SLAIN2: variants seen among roughly 807,000 people sequenced by gnomAD.
The protein encoded by SLAIN2 is SLAIN family member 2.
SLAIN2 carries 31 observed loss-of-function variants against 56.6 expected under a neutral mutation model. The observed-to-expected ratio is 0.55, with a 90% confidence interval of 0.41 to 0.74. The LOEUF (loss-of-function observed/expected upper bound fraction) is 0.74, where lower values mean the gene tolerates loss of function less well. Ranked by LOEUF, SLAIN2 falls within the 30% of genes least tolerant of loss-of-function variation. SLAIN2 has a pLI of 0.00. For synonymous variants in SLAIN2, 317 were observed against 284.9 expected (o/e 1.11, Z -1.13); for missense variants, 777 against 754.2 (o/e 1.03, Z -0.35).
intron 6 of SLAIN2, among the ~76,000 whole-genome samples, chr4:48,407,989 G>A (rs1000819095): frequency 2.0e-5 from 3 of 152,118 alleles, no homozygotes; most frequent in African/African-American, 7.2e-5. Flanking sequence ...TTAGCATAAT[G>A]TTTTCTAAGT....
rs1201662167 is a variant in SLAIN2 at position 48,422,922 on chromosome 4, A to G, written c.*845A>G. ...CTTCTTCACATGCTGTTATCTTTAC[A>G]GAACTAAGAGATCTTGTTTCTATTA... On this transcript the variant is annotated 3_prime_UTR_variant, in exon 8 of 8. Transcript: ENST00000264313. 6.6e-6 allele frequency: 1 copy of G among 152,232 alleles called. No individual in the cohort carries two copies. Among genetic ancestry groups the G allele is most frequent in the Admixed American group, 6.5e-5 (1 of 15,274 alleles). The allele number at this position is 152,232 out of a possible 1,614,324, so 9.4% of individuals were successfully genotyped here.
At position 48,408,674 on chromosome 4, in the gene SLAIN2, A is replaced by C. The variant is rs548186473; in HGVS notation, c.1361-11451A>C. Among the ~76,000 whole-genome samples the C allele has an allele frequency of 9.2e-5, 14 of 152,320 alleles. No homozygotes were observed. The South Asian group carries it at 1.2e-3, about 14-fold the overall frequency. On this transcript the variant is annotated intron_variant, in intron 6 of 7. Transcript: ENST00000264313. ...GTTACAAGCTATGTGTTATTACAAA[A>C]GAGTCACGTTTTTAAGTTAAAGCTT...
chr4:48,367,563 A>G (rs1304948051), intron 1 of SLAIN2, among the ~76,000 whole-genome samples: 1 of 152,190 alleles, frequency 6.6e-6, no homozygotes, highest in Non-Finnish European at 1.5e-5. Flanking sequence ...CCTAAATTAC[A>G]AATTTTTAGT....
At chr4:48,363,651 G>T (rs1715403585) in intron 1 of SLAIN2, among the ~76,000 whole-genome samples, 1 of 106,842 alleles carries the variant, frequency 9.4e-6, no homozygotes, top group Non-Finnish European at 2.0e-5. Context: ...GGACGGGGCG[G>T]CTGGCCGGGC....
chr4:48,394,691 A>G lies in SLAIN2; in HGVS notation c.1360+10907A>G, dbSNP rs1022598276. 4.0e-6 allele frequency: 6 copies of G among 1,505,438 alleles called. No homozygotes were observed. In the African/African-American group the frequency reaches 5.5e-5, roughly 14 times the overall value. 93.3% of individuals were successfully genotyped at this position (1,505,438 alleles called of 1,614,324 possible). A position where few individuals can be genotyped will look rare whatever the true frequency, so the allele number is the denominator to read the frequency against. On this transcript the variant is annotated intron_variant, in intron 6 of 7. Transcript: ENST00000264313. ...TCTTACTCAGTTTAAAATTTCAGCAAATGATCTAGTTAAATCTTAAGCCAT... is the reference window on the plus strand; with the variant it reads ...TCTTACTCAGTTTAAAATTTCAGCAGATGATCTAGTTAAATCTTAAGCCAT...
At chr4:48,355,855 TATTTTA>T (rs1715142616) in intron 1 of SLAIN2, among the ~76,000 whole-genome samples, 1 of 152,016 alleles carries the variant, frequency 6.6e-6, no homozygotes, top group Non-Finnish European at 1.5e-5. Flanking sequence ...GTTGGTAAAA[TATTTTA>T]ATTTTATTAT....
chr4:48,422,288 A>C lies in SLAIN2; in HGVS notation c.*211A>C. The C allele has an allele frequency of 2.1e-6, 1 of 483,310 alleles. No homozygotes were observed. Among genetic ancestry groups the C allele is most frequent in the African/African-American group, 2.0e-5 (1 of 51,232 alleles). The allele number at this position is 483,310 out of a possible 1,614,324, so 29.9% of individuals were successfully genotyped here. The stretch of plus-strand genomic sequence containing the variant: ...AGATGTGTTTGGTAATCATACAATC[A>C]CTCTCCATAGAATCACTTTTAGTTT... On this transcript the variant is annotated 3_prime_UTR_variant, in exon 8 of 8. Coordinates refer to ENST00000264313, the MANE Select transcript of SLAIN2 (RefSeq NM_020846.2).
In SLAIN2 at chr4:48,369,997, G is replaced by A; in HGVS notation, c.538G>A (p.Ala180Thr). The change falls in exon 2 of 8, where the codon GCT (alanine) becomes ACT (threonine). Residue 180 changes from alanine (A) to threonine (T), a missense_variant and splice_region_variant. Coordinates refer to ENST00000264313, the MANE Select transcript of SLAIN2 (RefSeq NM_020846.2). ...CCACAAACTTGATCAAACTATGTCA[G>A]GTATGTCTATAATTTTGCTTGTAAA... is the stretch of plus-strand genomic sequence containing the variant. ...LIHKLDQTMS[A>T]LKRQNLYNNP... The A allele has an allele frequency of 6.2e-7, 1 of 1,612,078 alleles. No individual in the cohort carries two copies. Among genetic ancestry groups the A allele is most frequent in the Non-Finnish European group, 8.5e-7 (1 of 1,178,982 alleles).
intron 1 of SLAIN2, among the ~76,000 whole-genome samples, chr4:48,363,889 C>A: frequency 7.2e-6 from 1 of 139,496 alleles, no homozygotes; most frequent in African/African-American, 2.7e-5. Flanking sequence ...AGGCGCCCCT[C>A]ACCTCCCGGA....
chr4:48,375,448 C>A (rs1044429990), intron 2 of SLAIN2, among the ~76,000 whole-genome samples: 18 of 152,108 alleles, frequency 1.2e-4, no homozygotes, highest in African/African-American at 4.1e-4. Context: ...CAGCTGATTT[C>A]TTTTCTTTAA....
chr4:48,416,711 G>T (rs1034461092), intron 6 of SLAIN2, among the ~76,000 whole-genome samples: 2 of 150,374 alleles, frequency 1.3e-5, no homozygotes, highest in Non-Finnish European at 3.0e-5. Flanking sequence ...ACTCAAAGCC[G>T]CTCAACTACA....
intron 6 of SLAIN2, among the ~76,000 whole-genome samples, chr4:48,413,771 G>A (rs1264985095): frequency 6.6e-6 from 1 of 152,066 alleles, no homozygotes; most frequent in Non-Finnish European, 1.5e-5. Context: ...TATAAATTAT[G>A]CAGCTAAGGG....
chr4:48,368,932 C>T (rs1049335383), intron 1 of SLAIN2, among the ~76,000 whole-genome samples: 3 of 152,102 alleles, frequency 2.0e-5, no homozygotes. Flanking sequence ...GTAGATACAT[C>T]TTTATTTAAA....
rs1219659194 is a variant in SLAIN2, at chr4:48,426,108, A to G, written c.*4031A>G. ...CCGGAAATATTGAAGTACTGTCCGT[A>G]ACATGGTTATGACATGTTAAGTGGA... On this transcript the variant is annotated 3_prime_UTR_variant, in exon 8 of 8. Coordinates refer to ENST00000264313, the MANE Select transcript of SLAIN2 (RefSeq NM_020846.2). The G allele has an allele frequency of 2.0e-5, 3 of 152,150 alleles. No homozygotes were observed. Among genetic ancestry groups the G allele is most frequent in the African/African-American group, 7.2e-5 (3 of 41,466 alleles). 9.4% of individuals were successfully genotyped at this position (152,150 alleles called of 1,614,324 possible).
rs546582870 is a variant in SLAIN2 at position 48,366,260 on chromosome 4, TG to T, written c.390-3588del. 5.8e-3 allele frequency among the ~76,000 whole-genome samples: 891 copies of T among 152,336 alleles called. 2 individuals carry two copies. The highest frequency in any genetic ancestry group is 9.6e-3 in the Non-Finnish European group (656 of 68,026). ...GGTCTGTCCCAGAGAATGTTCCATGTGCAGTTAAAAAGAGTGTGTTTTCTGT... is the reference window on the plus strand; with the variant it reads ...GGTCTGTCCCAGAGAATGTTCCATGTCAGTTAAAAAGAGTGTGTTTTCTGT... On this transcript the variant is annotated intron_variant, in intron 1 of 7. Transcript: ENST00000264313.
At chr4:48,350,039 C>T (rs957743751) in intron 1 of SLAIN2, among the ~76,000 whole-genome samples, 2 of 152,170 alleles carry the variant, frequency 1.3e-5, no homozygotes, top group African/African-American at 4.8e-5. Context: ...ATGTTCTTAA[C>T]TTTACACTTA....
Position 48,376,251 on chromosome 4 carries a change from C to T in SLAIN2, c.539-1645C>T, listed in dbSNP as rs530669678. On this transcript the variant is annotated intron_variant, in intron 2 of 7. Coordinates refer to ENST00000264313, the MANE Select transcript of SLAIN2 (RefSeq NM_020846.2). ...GGCGGATCATCTGAGCTCAGGATTT[C>T]GAAACCAGCCTGGGAGACATGGCAA... Among the ~76,000 whole-genome samples, 6 of 152,174 alleles carry T rather than the reference C, an allele frequency of 3.9e-5. No individual in the cohort carries two copies. The East Asian group carries it at 7.7e-4, about 20-fold the overall frequency.
At chr4:48,363,592 G>A (rs1379995769) in intron 1 of SLAIN2, among the ~76,000 whole-genome samples, 1 of 84,776 alleles carries the variant, frequency 1.2e-5, no homozygotes, top group Non-Finnish European at 2.6e-5. Flanking sequence ...CCTCCCTCCC[G>A]GACAGGGCGG....
intron 2 of SLAIN2, among the ~76,000 whole-genome samples, chr4:48,377,222 G>A (rs1434227566): frequency 2.7e-5 from 4 of 150,870 alleles, no homozygotes; most frequent in Non-Finnish European, 4.4e-5. Flanking sequence ...TCACTCTGTC[G>A]CCCAGGCTGG....
Sources: allele counts gnomAD v4.1 joint callset (sites outside exome capture counted in the v4.1 genomes callset), GRCh38; gene constraint gnomAD v4.1.1; transcripts MANE v1.5; gene names NCBI Gene and HGNC (gene_info 2026-07-23, HGNC 2026-07-21).